Variants in RBMS3 observed in about 807,000 individuals in gnomAD.
The protein encoded by RBMS3 is RNA binding motif single stranded interacting protein 3, also known as RNA-binding motif, single-stranded-interacting protein 3.
A neutral mutation model predicts 66.8 loss-of-function variants in RBMS3; 27 were observed. The ratio of observed to expected loss-of-function variants is 0.40; its 90% CI spans 0.30 to 0.56. RBMS3 has a LOEUF of 0.56. RBMS3 is among the 20% of genes least tolerant of loss of function. The pLI is 0.40. For synonymous variants in RBMS3, 188 were observed against 183.0 expected, an observed-to-expected ratio of 1.03 and a Z score of -0.22; for missense variants, 513 against 549.5, an observed-to-expected ratio of 0.93 and a Z score of 0.66.
At chr3:29,739,147 C>A (rs1005004334) in intron 4 of RBMS3, among the ~76,000 whole-genome samples, 4 of 151,998 alleles carry the variant, frequency 2.6e-5, no homozygotes, top group Non-Finnish European at 5.9e-5. Context: ...TGCCTTAGTT[C>A]AATTGCATTA....
At chr3:29,952,485 C>T (rs1394190626) in intron 12 of RBMS3, among the ~76,000 whole-genome samples, 1 of 151,786 alleles carries the variant, frequency 6.6e-6, no homozygotes, top group East Asian at 1.9e-4. Flanking sequence ...GTTTACAGAA[C>T]TGATATGACA....
At chr3:29,739,974 CAAAAAAA>C in intron 5 of RBMS3, 97 bp downstream of exon 5, 1 of 561,606 alleles carries the variant, frequency 1.8e-6, no homozygotes. Context: ...ATAGAATATG[CAAAAAAA>C]AAAAAAAAAT....
chr3:29,346,908 G>A (rs1381106044), intron 1 of RBMS3, among the ~76,000 whole-genome samples: 1 of 152,100 alleles, frequency 6.6e-6, no homozygotes, highest in South Asian at 2.1e-4. Context: ...AACTCCTTTG[G>A]CCTGCAAACA....
At chr3:29,956,807 C>A (rs1408045158) in intron 12 of RBMS3, among the ~76,000 whole-genome samples, 1 of 152,070 alleles carries the variant, frequency 6.6e-6, no homozygotes. Context: ...ACAAACAGGA[C>A]ATGTTTGAAA....
intron 3 of RBMS3, among the ~76,000 whole-genome samples, chr3:29,500,333 G>A (rs940133732): frequency 4.0e-5 from 6 of 150,692 alleles, no homozygotes; most frequent in Non-Finnish European, 7.4e-5. Flanking sequence ...AAAGATTCCC[G>A]TATAGAAAAT....
chr3:29,461,738 G>A (rs2063395405), intron 2 of RBMS3, among the ~76,000 whole-genome samples: 1 of 150,722 alleles, frequency 6.6e-6, no homozygotes, highest in African/African-American at 2.4e-5. Flanking sequence ...TTAATTTTCT[G>A]AGTCTCTACT....
At chr3:29,791,425 A>G (rs2057008832) in intron 6 of RBMS3, among the ~76,000 whole-genome samples, 1 of 152,230 alleles carries the variant, frequency 6.6e-6, no homozygotes, top group South Asian at 2.1e-4. Flanking sequence ...AAACAAAAGC[A>G]ACAAATGATA....
intron 10 of RBMS3, among the ~76,000 whole-genome samples, chr3:29,914,753 T>A (rs1267464425): frequency 6.6e-6 from 1 of 151,934 alleles, no homozygotes; most frequent in Non-Finnish European, 1.5e-5. Flanking sequence ...TAGAGATACT[T>A]CAAATTAGAA....
intron 12 of RBMS3, among the ~76,000 whole-genome samples, chr3:29,961,035 G>A (rs1161533099): frequency 2.0e-5 from 3 of 152,112 alleles, no homozygotes; most frequent in Non-Finnish European, 4.4e-5. Context: ...ATTTCTCCCT[G>A]AAAATGGGTT....
chr3:29,403,300 T>C (rs2039887191), intron 1 of RBMS3, among the ~76,000 whole-genome samples: 1 of 152,042 alleles, frequency 6.6e-6, no homozygotes, highest in Admixed American at 6.6e-5. Flanking sequence ...GTATGTAATA[T>C]AGATGGACGT....
rs752174325 is a variant in RBMS3, at chr3:30,008,411, T to C, written c.*4549T>C. ...AAATCAAGTAAAGGGACAATGTTTA[T>C]GTACGTGTATAACAACATTCAGCAC... On this transcript the variant is annotated 3_prime_UTR_variant, in exon 15 of 15. Coordinates refer to ENST00000383767, the MANE Select transcript of RBMS3 (RefSeq NM_001003793.3). 1 of 152,142 alleles carries C rather than the reference T, an allele frequency of 6.6e-6. No homozygotes were observed. The highest frequency in any genetic ancestry group is 1.5e-5 in the Non-Finnish European group (1 of 67,974). 9.4% of individuals were successfully genotyped at this position (152,142 alleles called of 1,614,324 possible).
At chr3:29,875,142 C>T (rs999649774) in intron 7 of RBMS3, among the ~76,000 whole-genome samples, 14 of 152,180 alleles carry the variant, frequency 9.2e-5, no homozygotes, top group Admixed American at 7.9e-4. Flanking sequence ...ATATGTGGCA[C>T]CTACCAACTG....
intron 2 of RBMS3, among the ~76,000 whole-genome samples, chr3:29,484,616 T>TACAA (rs2043255390): frequency 1.3e-5 from 2 of 152,200 alleles, no homozygotes; most frequent in Non-Finnish European, 2.9e-5. Flanking sequence ...ATGCATGACT[T>TACAA]TGATGACCCA....
At chr3:29,638,624 A>G (rs1185063412) in intron 4 of RBMS3, among the ~76,000 whole-genome samples, 1 of 151,872 alleles carries the variant, frequency 6.6e-6, no homozygotes. Flanking sequence ...CCGTCCTGGA[A>G]CTACTAAAAG....
At chr3:29,913,838 G>T (rs1297924754) in intron 10 of RBMS3, among the ~76,000 whole-genome samples, 2 of 151,794 alleles carry the variant, frequency 1.3e-5, no homozygotes, top group Non-Finnish European at 2.9e-5. Flanking sequence ...AATCAATACT[G>T]AAAAAATCAT....
chr3:29,822,176 C>T (rs945027528), intron 6 of RBMS3, among the ~76,000 whole-genome samples: 1 of 152,166 alleles, frequency 6.6e-6, no homozygotes, highest in Non-Finnish European at 1.5e-5. Context: ...ACACTTCATC[C>T]TTCAGAACAC....
intron 1 of RBMS3, among the ~76,000 whole-genome samples, chr3:29,376,613 A>G (rs1227437269): frequency 6.6e-6 from 1 of 152,164 alleles, no homozygotes; most frequent in Non-Finnish European, 1.5e-5. Context: ...TCTACTAAAA[A>G]ATACAAAAAA....
intron 4 of RBMS3, among the ~76,000 whole-genome samples, chr3:29,607,882 G>A (rs1239694684): frequency 2.0e-5 from 3 of 151,656 alleles, no homozygotes; most frequent in African/African-American, 2.4e-5. Context: ...CTAGTCTTAA[G>A]AAAAAAATAA....
intron 12 of RBMS3, among the ~76,000 whole-genome samples, chr3:29,966,581 A>G (rs752576517): frequency 1.3e-5 from 2 of 152,166 alleles, no homozygotes; most frequent in African/African-American, 4.8e-5. Flanking sequence ...GATCAGTTCT[A>G]GGAGTTTTCT....
Sources: allele counts gnomAD v4.1 joint callset (sites outside exome capture counted in the v4.1 genomes callset), GRCh38; gene constraint gnomAD v4.1.1; transcripts MANE v1.5; gene names NCBI Gene and HGNC (gene_info 2026-07-23, HGNC 2026-07-21).